The following TRAPPC9 variants were observed in gnomAD, a reference collection of about 807,000 sequenced individuals.
The protein encoded by TRAPPC9 is trafficking protein particle complex subunit 9, also known as IKK2 binding protein.
Under a neutral mutation model 124.0 loss-of-function variants are expected in TRAPPC9, and 83 were observed. That is an observed-to-expected ratio of 0.67 (90% CI 0.56 to 0.80). The LOEUF (loss-of-function observed/expected upper bound fraction) is 0.80, where lower values mean the gene tolerates loss of function less well. Among genes scored for constraint, TRAPPC9 ranks in the 30% least tolerant of loss-of-function variants. The pLI, the probability that TRAPPC9 is intolerant of heterozygous loss-of-function variation, is 0.00. For missense variants in TRAPPC9, 1,302 were observed against 1,508.3 expected (o/e 0.86, Z 2.27); for synonymous variants, 638 against 617.5 (o/e 1.03, Z -0.49).
intron 5 of TRAPPC9, among the ~76,000 whole-genome samples, chr8:140,407,020 T>A (rs1360491226): frequency 6.6e-6 from 1 of 152,194 alleles, no homozygotes; most frequent in Non-Finnish European, 1.5e-5. Context: ...CACAGGTTGT[T>A]ATAATGCCAT....
intron 15 of TRAPPC9, among the ~76,000 whole-genome samples, chr8:140,268,079 C>T (rs1410150437): frequency 1.3e-5 from 2 of 151,962 alleles, no homozygotes; most frequent in Non-Finnish European, 2.9e-5. Context: ...AAATTTTATA[C>T]AGCAGACATT....
At chr8:140,049,694 C>A (rs1841858103) in intron 17 of TRAPPC9, among the ~76,000 whole-genome samples, 1 of 152,152 alleles carries the variant, frequency 6.6e-6, no homozygotes, top group African/African-American at 2.4e-5. Context: ...AACACCAAAC[C>A]CTGGGATTTC....
At chr8:140,375,880 C>A (rs377319051) in intron 7 of TRAPPC9, among the ~76,000 whole-genome samples, 2 of 152,136 alleles carry the variant, frequency 1.3e-5, no homozygotes, top group Admixed American at 6.5e-5. Context: ...AAATGATGAC[C>A]GTGGGAGAAT....
At chr8:140,164,710 G>A (rs973877893) in intron 17 of TRAPPC9, among the ~76,000 whole-genome samples, 7 of 152,162 alleles carry the variant, frequency 4.6e-5, no homozygotes, top group African/African-American at 7.2e-5. Context: ...AGCGAGTCCA[G>A]GTGGAACTCC....
chr8:140,294,976 C>T (rs966342829), intron 11 of TRAPPC9, among the ~76,000 whole-genome samples: 2 of 152,148 alleles, frequency 1.3e-5, no homozygotes, highest in Non-Finnish European at 2.9e-5. Context: ...TCAAAGCACA[C>T]GGTGGTGGCC....
intron 4 of TRAPPC9, among the ~76,000 whole-genome samples, chr8:140,432,686 C>T (rs376601254): frequency 6.6e-6 from 1 of 151,764 alleles, no homozygotes; most frequent in Non-Finnish European, 1.5e-5. Flanking sequence ...TCCTGGCTAA[C>T]ACGGTGAAAT....
chr8:140,134,628 A>G (rs2061269665), intron 17 of TRAPPC9, among the ~76,000 whole-genome samples: 1 of 152,214 alleles, frequency 6.6e-6, no homozygotes, highest in South Asian at 2.1e-4. Flanking sequence ...TTACTGGTAC[A>G]ACTGGAGTTC....
intron 21 of TRAPPC9, among the ~76,000 whole-genome samples, chr8:139,810,181 T>G (rs1206574033): frequency 6.6e-6 from 1 of 151,850 alleles, no homozygotes; most frequent in Non-Finnish European, 1.5e-5. Flanking sequence ...GGCAACAAAT[T>G]TTTGGAAGAA....
chr8:140,096,289 T>A (rs1157009734), intron 17 of TRAPPC9: 1 of 152,222 alleles, frequency 6.6e-6, no homozygotes, highest in Non-Finnish European at 1.5e-5. Context: ...ATGGAGAGCC[T>A]TTCAGGCCAT....
At chr8:139,847,970 G>A (rs1428850904) in intron 21 of TRAPPC9, among the ~76,000 whole-genome samples, 3 of 152,222 alleles carry the variant, frequency 2.0e-5, no homozygotes, top group African/African-American at 7.2e-5. Flanking sequence ...CAGCCCTGGG[G>A]CACGTGGGGC....
At chr8:139,837,765 G>A (rs527517480) in intron 21 of TRAPPC9, among the ~76,000 whole-genome samples, 120 of 152,130 alleles carry the variant, frequency 7.9e-4, no homozygotes, top group Non-Finnish European at 2.1e-4. Flanking sequence ...CAGATGCCAG[G>A]AGCCCCTCGG....
intron 19 of TRAPPC9, among the ~76,000 whole-genome samples, chr8:139,937,737 G>A (rs925048807): frequency 7.2e-5 from 11 of 152,188 alleles, no homozygotes; most frequent in South Asian, 2.1e-4. Context: ...AGTGTGAAGC[G>A]GAAATGCGGA....
Position 139,759,206 on chromosome 8 carries a change from C to T in TRAPPC9, c.3056-27004G>A, listed in dbSNP as rs533624442. 3.3e-5 allele frequency among the ~76,000 whole-genome samples: 5 copies of T among 152,302 alleles called. No homozygotes were observed. The South Asian group carries it at 1.0e-3, about 32-fold the overall frequency. On this transcript the variant is annotated intron_variant, in intron 21 of 22. Transcript: ENST00000438773. The stretch of plus-strand genomic sequence containing the variant: ...CCAGGCTGCATAGGGAATGGCAGAG[C>T]TGGAGTCTGAACCTAGCAGGGGTGC...
At chr8:140,150,533 C>T (rs2061528394) in intron 17 of TRAPPC9, among the ~76,000 whole-genome samples, 1 of 152,188 alleles carries the variant, frequency 6.6e-6, no homozygotes, top group Non-Finnish European at 1.5e-5. Context: ...GAAACTGAAG[C>T]CCAAGAGTTG....
At chr8:139,780,682 C>T (rs1821750707) in intron 21 of TRAPPC9, among the ~76,000 whole-genome samples, 1 of 151,820 alleles carries the variant, frequency 6.6e-6, no homozygotes. Context: ...GTAAGCTGGA[C>T]TTCATTACAA....
chr8:140,050,478 A>G (rs761650741), intron 17 of TRAPPC9, among the ~76,000 whole-genome samples: 34 of 152,126 alleles, frequency 2.2e-4, no homozygotes, highest in Admixed American at 5.9e-4. Context: ...ACCAGGTGAG[A>G]TGCCCAACCC....
At chr8:140,117,122 G>A (rs960658782) in intron 17 of TRAPPC9, among the ~76,000 whole-genome samples, 2 of 152,150 alleles carry the variant, frequency 1.3e-5, no homozygotes, top group Non-Finnish European at 2.9e-5. Flanking sequence ...GGTCTCTGGA[G>A]TCTGAGAGTC....
chr8:139,763,909 C>T (rs1006532326), intron 21 of TRAPPC9, among the ~76,000 whole-genome samples: 3 of 152,230 alleles, frequency 2.0e-5, no homozygotes, highest in Non-Finnish European at 4.4e-5. Flanking sequence ...CCGTTGACAA[C>T]TGGGGACACC....
At position 140,241,878 on chromosome 8, in the gene TRAPPC9, G is replaced by A. The variant is rs2063863531; in HGVS notation, c.2431+10899C>T. On this transcript the variant is annotated intron_variant, in intron 16 of 22. Transcript: ENST00000438773. The surrounding 1 kb of genome is among the most constrained non-coding windows in gnomAD (Gnocchi z 5.0). ...TTAACGTATGCCAAGAAGCTGCTCTGACCAGGCCTCACTGCATACTGGGAA... is the reference window on the plus strand; with the variant it reads ...TTAACGTATGCCAAGAAGCTGCTCTAACCAGGCCTCACTGCATACTGGGAA... Among the ~76,000 whole-genome samples the A allele has an allele frequency of 6.6e-6, 1 of 152,090 alleles. No individual in the cohort carries two copies.
Sources: gnomAD v4.1 joint callset for allele counts (sites outside exome capture counted in the v4.1 genomes callset) on GRCh38, gnomAD v4.1.1 for gene constraint, Gnocchi (gnomAD v3.1) non-coding constraint, MANE v1.5 for transcripts, NCBI Gene and HGNC (gene_info 2026-07-23, HGNC 2026-07-21) for gene names.